Variants in FBXL16 observed in about 807,000 individuals in gnomAD.
FBXL16 encodes F-box and leucine rich repeat protein 16.
FBXL16 carries 7 observed loss-of-function variants against 36.7 expected under a neutral mutation model. That is an observed-to-expected ratio of 0.19 (90% confidence interval 0.11 to 0.36). The LOEUF (loss-of-function observed/expected upper bound fraction) is 0.36, where lower values mean the gene tolerates loss of function less well. Among genes scored for constraint, FBXL16 ranks in the 10% least tolerant of loss-of-function variants. FBXL16 has a pLI of 1.00. For synonymous variants in FBXL16, 355 were observed against 308.7 expected (o/e 1.15, Z -1.57); for missense variants, 463 against 659.4 (o/e 0.70, Z 3.26).
Position 694,986 on chromosome 16 carries a change from C to G in FBXL16, c.1227+6G>C, listed in dbSNP as rs1457777652. 3.3e-6 allele frequency: 5 copies of G among 1,529,826 alleles called. No homozygotes were observed. In the South Asian group the frequency reaches 6.4e-5, roughly 20 times the overall value. 94.8% of individuals were successfully genotyped at this position (1,529,826 alleles called of 1,614,324 possible). On this transcript the variant is annotated splice_donor_region_variant and intron_variant, in intron 4 of 5. Coordinates refer to ENST00000397621, the MANE Select transcript of FBXL16 (RefSeq NM_153350.4). ...TCCCCCAATCCCGGGGCGTGAGAGC[C>G]GGTACCTGGCAGCACCATCGCAGGT...
At chr16:694,753 A>G in intron 4 of FBXL16, 56 bp from the exon 5 acceptor site, 4 of 1,530,038 alleles carry the variant, frequency 2.6e-6, no homozygotes, top group Non-Finnish European at 2.7e-6. Flanking sequence ...GGCGGAGGGC[A>G]CCCTGGGGTC....
intron 1 of FBXL16, among the ~76,000 whole-genome samples, chr16:702,728 C>G (rs972046606): frequency 6.6e-6 from 1 of 152,190 alleles, no homozygotes. Flanking sequence ...GGGGTTGGGA[C>G]TAGGTTGGTA....
intron 1 of FBXL16, among the ~76,000 whole-genome samples, chr16:699,024 T>G (rs1224946341): frequency 6.6e-6 from 1 of 151,946 alleles, no homozygotes; most frequent in Non-Finnish European, 1.5e-5. Flanking sequence ...TGTGCTGTGG[T>G]GCCAGCATGG....
intron 3 of FBXL16, 118 bp downstream of exon 3, chr16:695,297 G>T (rs921676083): frequency 6.8e-6 from 8 of 1,174,730 alleles, no homozygotes; most frequent in Middle Eastern, 3.3e-4. Flanking sequence ...TGCCCGCCGC[G>T]CCACAGCCCC....
In FBXL16 at chr16:694,446, C is replaced by A. The variant is rs770888038; in HGVS notation, c.1292-23G>T. The A allele has an allele frequency of 3.3e-6, 5 of 1,533,630 alleles. No homozygotes were observed. In the Middle Eastern group the frequency reaches 7.0e-4, roughly 214 times the overall value. ...AGCCTGCGGCGGGGTCAGAGGGCGGCTCAGTGCGCGCGGCCCAGGGCTCGG... is the reference window on the plus strand; with the variant it reads ...AGCCTGCGGCGGGGTCAGAGGGCGGATCAGTGCGCGCGGCCCAGGGCTCGG... On this transcript the variant is annotated intron_variant, in intron 5 of 5. Transcript: ENST00000397621.
chr16:700,025 C>A (rs2040044039), intron 1 of FBXL16, among the ~76,000 whole-genome samples: 1 of 152,090 alleles, frequency 6.6e-6, no homozygotes, highest in African/African-American at 2.4e-5. Flanking sequence ...TCCCCATAAT[C>A]TGGTCAGGGG....
intron 1 of FBXL16, among the ~76,000 whole-genome samples, chr16:698,566 C>T (rs2040032291): frequency 6.6e-6 from 1 of 152,190 alleles, no homozygotes; most frequent in Non-Finnish European, 1.5e-5. Context: ...TCAGGAGGGG[C>T]TCTGGTGCTG....
intron 1 of FBXL16, among the ~76,000 whole-genome samples, chr16:703,919 C>T (rs2040073318): frequency 6.6e-6 from 1 of 152,254 alleles, no homozygotes; most frequent in Non-Finnish European, 1.5e-5. Context: ...CTAGTGCCTA[C>T]TGCTCCAGGC....
intron 1 of FBXL16, among the ~76,000 whole-genome samples, chr16:702,465 T>C (rs1209246195): frequency 6.6e-6 from 1 of 152,194 alleles, no homozygotes; most frequent in African/African-American, 2.4e-5. Context: ...CTGAGGACTC[T>C]TGAGGACAGA....
At chr16:701,891 C>A (rs1204732423) in intron 1 of FBXL16, among the ~76,000 whole-genome samples, 1 of 152,190 alleles carries the variant, frequency 6.6e-6, no homozygotes, top group Admixed American at 6.5e-5. Context: ...GGGGCTCACC[C>A]CAGGGGAAAG....
rs191053993 is a variant in FBXL16 at position 700,575 on chromosome 16, C to T, written c.-14-3156G>A. ...GTGTCCGGGGAGGCCTGGCGCGGGG[C>T]TGCCTCGGTTCCCTCCCAGAGCCGG... On this transcript the variant is annotated intron_variant, in intron 1 of 5. Coordinates refer to ENST00000397621, the MANE Select transcript of FBXL16 (RefSeq NM_153350.4). Among the ~76,000 whole-genome samples the T allele has an allele frequency of 3.7e-4, 57 of 152,276 alleles. 1 individual carries two copies. In the East Asian group the frequency reaches 0.011, roughly 28 times the overall value.
chr16:705,599 G>T lies in FBXL16; in HGVS notation c.-102C>A, dbSNP rs1215140948. The stretch of plus-strand genomic sequence containing the variant: ...CCGGCATGGGCGTCGGCGCGCGGGG[G>T]CCGCCGGGGTGCTGGACTGGCCGGC... On this transcript the variant is annotated 5_prime_UTR_variant, in exon 1 of 6. Transcript: ENST00000397621. 2 of 149,792 alleles carry T rather than the reference G, an allele frequency of 1.3e-5. No homozygotes were observed. The allele number at this position is 149,792 out of a possible 1,614,324, so 9.3% of individuals were successfully genotyped here.
intron 3 of FBXL16, 107 bp downstream of exon 3, chr16:695,308 A>T: frequency 9.2e-7 from 1 of 1,088,570 alleles, no homozygotes; most frequent in Non-Finnish European, 1.2e-6. Flanking sequence ...CCACAGCCCC[A>T]GCCCCGCCGG....
chr16:699,076 T>C (rs2040037797), intron 1 of FBXL16, among the ~76,000 whole-genome samples: 1 of 152,144 alleles, frequency 6.6e-6, no homozygotes, highest in South Asian at 2.1e-4. Context: ...TTCTGCCCAA[T>C]GAGAACGATG....
chr16:695,281 G>A (rs1398824524), intron 3 of FBXL16, 134 bp downstream of exon 3: 9 of 1,189,264 alleles, frequency 7.6e-6, no homozygotes, highest in East Asian at 7.3e-5. Context: ...CAGGCTCCGA[G>A]GGCTCTGCCC....
At chr16:694,565 G>C in intron 5 of FBXL16, 69 bp downstream of exon 5, 1 of 1,538,514 alleles carries the variant, frequency 6.5e-7, no homozygotes, top group East Asian at 2.4e-5. Context: ...GGACCGGGCA[G>C]GTTGGGCGGG....
intron 2 of FBXL16, among the ~76,000 whole-genome samples, chr16:696,285 A>G (rs897532684): frequency 6.6e-6 from 1 of 151,478 alleles, no homozygotes; most frequent in African/African-American, 2.4e-5. Flanking sequence ...ACAGAGCCTT[A>G]CTCTGTTGCC....
rs2040005328 is a variant in FBXL16 at position 695,578 on chromosome 16, G to A, written c.979C>T (p.Leu327Phe). Residue 327 changes from leucine (L) to phenylalanine (F), a missense_variant, in exon 3 of 6, where the codon CTC becomes TTC. By Grantham distance (22) the Leu-to-Phe change is conservative. Around this residue, in one of 3 missense-constraint regions of FBXL16, gnomAD observed 66 missense variants for 146.3 expected, o/e 0.45. Coordinates refer to ENST00000397621, the MANE Select transcript of FBXL16 (RefSeq NM_153350.4). ...HSLPNLTALS[L>F]SGCSKVTDDG... ...TCGGTGACCTTGGAGCAGCCCGAGAGGCTGAGCGCGGTGAGGTTGGGCAGG... is the reference window on the plus strand; with the variant it reads ...TCGGTGACCTTGGAGCAGCCCGAGAAGCTGAGCGCGGTGAGGTTGGGCAGG... The A allele has an allele frequency of 1.9e-6, 3 of 1,605,354 alleles. No individual in the cohort carries two copies. The highest frequency in any genetic ancestry group is 2.5e-6 in the Non-Finnish European group (3 of 1,179,066).
Position 697,314 on chromosome 16 carries a change from C to A in FBXL16, c.92G>T (p.Gly31Val), listed in dbSNP as rs1235341846. 6 of 1,534,840 alleles carry A rather than the reference C, an allele frequency of 3.9e-6. No individual in the cohort carries two copies. ...VKLPGQPNGLGAASITKGTPA... is the reference protein window; with the variant it reads ...VKLPGQPNGLVAASITKGTPA... ...CGTGCCCTTGGTGATGCTGGCCGCA[C>A]CCAGGCCGTTGGGCTGGCCCGGCAG... Residue 31 changes from glycine to valine, a missense_variant, in exon 2 of 6, where the codon GGT becomes GTT. This residue lies in a region of FBXL16 where 263 missense variants were observed against 341.1 expected (regional missense o/e 0.77). Coordinates refer to ENST00000397621, the MANE Select transcript of FBXL16 (RefSeq NM_153350.4). This position sits in a 1 kb window ranked among gnomAD's most constrained non-coding sequence, Gnocchi z 4.6.
Sources: gnomAD v4.1 joint callset for allele counts (sites outside exome capture counted in the v4.1 genomes callset) on GRCh38, gnomAD v4.1.1 for gene constraint, gnomAD v4.1.1 regional missense constraint, Gnocchi (gnomAD v3.1) non-coding constraint, MANE v1.5 for transcripts, NCBI Gene and HGNC (gene_info 2026-07-23, HGNC 2026-07-21) for gene names.